SLC30A6: variants seen among roughly 807,000 people sequenced by gnomAD.
SLC30A6 encodes the protein zinc transporter 6.
In SLC30A6, 55 loss-of-function variants were observed where a neutral mutation model predicts 63.0. The observed-to-expected ratio is 0.87, with a 90% confidence interval of 0.70 to 1.09. SLC30A6 has a LOEUF of 1.09. SLC30A6 is among the 50% of genes least tolerant of loss of function. The pLI, the probability that SLC30A6 is intolerant of heterozygous loss-of-function variation, is 0.00. For synonymous variants in SLC30A6, 224 were observed against 186.1 expected, an observed-to-expected ratio of 1.20 and a Z score of -1.66; for missense variants, 587 against 549.2, an observed-to-expected ratio of 1.07 and a Z score of -0.69.
rs1393842943 is a variant in SLC30A6 at position 32,197,388 on chromosome 2, C to T, written c.541C>T (p.Arg181Ter). The T allele has an allele frequency of 1.2e-6, 2 of 1,612,102 alleles. No homozygotes were observed. Among genetic ancestry groups the T allele is most frequent in the Non-Finnish European group, 1.7e-6 (2 of 1,178,730 alleles). ...WLQEHVADLSRSLCGIIPGLS... is the reference protein window; with the variant it reads ...WLQEHVADLS ...TCAAGAGCATGTTGCAGATCTTAGT[C>T]GAAGGTAAGATGTTATGGAGTTTCA... The change falls in exon 9 of 14, where the codon CGA becomes TGA. Residue 181 changes from arginine (R) to a stop codon, truncating the protein, a stop_gained. Coordinates refer to ENST00000282587, the MANE Select transcript of SLC30A6 (RefSeq NM_017964.5). LOFTEE classifies it high-confidence loss of function.
At chr2:32,202,130 A>G (rs550408155) in intron 10 of SLC30A6, 20 of 737,974 alleles carry the variant, frequency 2.7e-5, no homozygotes, top group Middle Eastern at 4.5e-4. Flanking sequence ...ACCTTCTCCA[A>G]TCTTCCTATT....
intron 12 of SLC30A6, 134 bp from the exon 13 acceptor site, chr2:32,209,359 C>A: frequency 3.2e-6 from 2 of 631,044 alleles, no homozygotes. Context: ...TCTGAGACTT[C>A]TCTTAGCTAA....
chr2:32,218,010 A>AT (rs1198526391), intron 13 of SLC30A6, among the ~76,000 whole-genome samples: 1 of 151,694 alleles, frequency 6.6e-6, no homozygotes, highest in Non-Finnish European at 1.5e-5. Flanking sequence ...CGCCCAGCTA[A>AT]TTTTTTTTAT....
intron 5 of SLC30A6, chr2:32,187,062 T>C (rs1002948036): frequency 2.6e-6 from 1 of 387,700 alleles, no homozygotes; most frequent in Non-Finnish European, 5.2e-6. Flanking sequence ...GGAGGACTTT[T>C]ACAATTTATG....
rs560310853 is a variant in SLC30A6, at chr2:32,203,728, T to C, written c.666-862T>C. On this transcript the variant is annotated intron_variant, in intron 10 of 13. Transcript: ENST00000282587. ...TGTTCCTACAACTAAGTCAGAAAGG[T>C]TACAGGCAGAGTGGCATGATTCCGA... is the stretch of plus-strand genomic sequence containing the variant. 42 of 1,527,524 alleles carry C rather than the reference T, an allele frequency of 2.7e-5. 1 individual carries two copies. In the East Asian group the frequency reaches 9.2e-4, roughly 34 times the overall value. The allele number at this position is 1,527,524 out of a possible 1,614,324, so 94.6% of individuals were successfully genotyped here. A position where few individuals can be genotyped will look rare whatever the true frequency, so the allele number is the denominator to read the frequency against.
chr2:32,170,125 A>G (rs1681064982), intron 1 of SLC30A6, among the ~76,000 whole-genome samples: 1 of 151,900 alleles, frequency 6.6e-6, no homozygotes, highest in Non-Finnish European at 1.5e-5. Context: ...TTTCCTTTAG[A>G]GCTTCTTGGG....
At chr2:32,196,261 G>C (rs1347935689) in intron 8 of SLC30A6, among the ~76,000 whole-genome samples, 1 of 152,002 alleles carries the variant, frequency 6.6e-6, no homozygotes. Flanking sequence ...GTTGCAGTGA[G>C]CCGAGATCAC....
chr2:32,171,770 G>A (rs113463958), intron 2 of SLC30A6, among the ~76,000 whole-genome samples: 27 of 151,578 alleles, frequency 1.8e-4, no homozygotes, highest in African/African-American at 5.6e-4. Context: ...TTGGCTCACC[G>A]CAACCTCTGC....
intron 8 of SLC30A6, among the ~76,000 whole-genome samples, chr2:32,196,146 C>T (rs1481044499): frequency 6.6e-6 from 1 of 152,110 alleles, no homozygotes; most frequent in Non-Finnish European, 1.5e-5. Flanking sequence ...AACCCTGTCT[C>T]TACTAAAAAA....
Position 32,220,283 on chromosome 2 carries a change from G to A in SLC30A6, c.956G>A (p.Arg319Lys). ...EQMVLAHVTN[R>K]LYTLVSTLTV... Reference sequence around the variant, plus strand: ...ATGGTTCTTGCTCATGTGACCAACAGGCTGTACACTCTAGTGTCTACTCTA... The same window carrying A: ...ATGGTTCTTGCTCATGTGACCAACAAGCTGTACACTCTAGTGTCTACTCTA... Residue 319 changes from arginine to lysine, a missense_variant, in exon 14 of 14, where the codon AGG becomes AAG. Arg to Lys is a conservative substitution (Grantham distance 26, BLOSUM62 2). Coordinates refer to ENST00000282587, the MANE Select transcript of SLC30A6 (RefSeq NM_017964.5). 1 of 1,614,204 alleles carries A rather than the reference G, an allele frequency of 6.2e-7. No individual in the cohort carries two copies. The highest frequency in any genetic ancestry group is 8.5e-7 in the Non-Finnish European group (1 of 1,180,026).
At chr2:32,174,853 G>A (rs1452861489) in intron 3 of SLC30A6, among the ~76,000 whole-genome samples, 1 of 152,078 alleles carries the variant, frequency 6.6e-6, no homozygotes, top group Non-Finnish European at 1.5e-5. Context: ...TGCCTGGCTG[G>A]AGATTTGTTT....
At chr2:32,182,898 C>G (rs1435429133) in intron 4 of SLC30A6, among the ~76,000 whole-genome samples, 3 of 152,050 alleles carry the variant, frequency 2.0e-5, no homozygotes, top group Non-Finnish European at 2.9e-5. Flanking sequence ...TAAGAACATA[C>G]CAGTTCTCAG....
chr2:32,217,783 T>C (rs1319908193), intron 13 of SLC30A6, among the ~76,000 whole-genome samples: 1 of 152,160 alleles, frequency 6.6e-6, no homozygotes, highest in Non-Finnish European at 1.5e-5. Context: ...TTCACCTCTT[T>C]GGTTAGATGT....
intron 4 of SLC30A6, among the ~76,000 whole-genome samples, chr2:32,181,141 A>G (rs1399140348): frequency 6.6e-6 from 1 of 152,250 alleles, no homozygotes; most frequent in East Asian, 1.9e-4. Context: ...AACTATGGAA[A>G]TTAAAATGAT....
chr2:32,188,256 C>T (rs1683011348), intron 5 of SLC30A6, among the ~76,000 whole-genome samples: 1 of 152,184 alleles, frequency 6.6e-6, no homozygotes, highest in Admixed American at 6.5e-5. Context: ...CTTAATATCA[C>T]TAAATGCTAA....
intron 10 of SLC30A6, among the ~76,000 whole-genome samples, chr2:32,200,913 A>T (rs212758): frequency 0.66 from 100,773 of 151,960 alleles, 33,743 homozygotes; most frequent in African/African-American, 0.72. Flanking sequence ...CAGAGTCCTG[A>T]GTAATCAGGC....
intron 8 of SLC30A6, 109 bp downstream of exon 8, chr2:32,194,092 CAAG>C: frequency 1.3e-6 from 1 of 782,064 alleles, no homozygotes; most frequent in Non-Finnish European, 2.0e-6. Flanking sequence ...ATTCTGAAGA[CAAG>C]AGAGAACTAG....
At chr2:32,192,224 G>A (rs1464842717) in intron 5 of SLC30A6, 112 bp from the exon 6 acceptor site, 2 of 877,294 alleles carry the variant, frequency 2.3e-6, no homozygotes, top group Non-Finnish European at 3.7e-6. Context: ...GCTCATAGTA[G>A]ACAGCACATA....
intron 4 of SLC30A6, among the ~76,000 whole-genome samples, chr2:32,183,289 T>G (rs192038138): frequency 6.6e-6 from 1 of 152,118 alleles, no homozygotes; most frequent in African/African-American, 2.4e-5. Context: ...GGAGACAGAC[T>G]CTTGTCTCCC....
Sources: gnomAD v4.1 joint callset for allele counts (sites outside exome capture counted in the v4.1 genomes callset) on GRCh38, gnomAD v4.1.1 for gene constraint, MANE v1.5 for transcripts, NCBI Gene and HGNC (gene_info 2026-07-23, HGNC 2026-07-21) for gene names.